The following TRIM69 variants were observed in gnomAD, a reference collection of about 807,000 sequenced individuals.
The protein encoded by TRIM69 is tripartite motif containing 69, also known as E3 ubiquitin-protein ligase TRIM69.
TRIM69 carries 29 observed loss-of-function variants against 37.7 expected under a neutral mutation model. The ratio of observed to expected loss-of-function variants is 0.77; its 90% CI spans 0.57 to 1.05. The LOEUF (loss-of-function observed/expected upper bound fraction) is 1.05, where lower values mean the gene tolerates loss of function less well. TRIM69 is among the 50% of genes least tolerant of loss of function. The pLI is 0.00. For synonymous variants in TRIM69, 209 were observed against 212.4 expected (o/e 0.98, Z 0.14); for missense variants, 596 against 579.9 (o/e 1.03, Z -0.28).
chr15:44,758,758 T>A lies in TRIM69; in HGVS notation c.717T>A (p.Asn239Lys), dbSNP rs77414494. 4,315 of 1,614,164 alleles carry A rather than the reference T, an allele frequency of 2.7e-3. 77 individuals are homozygous for A. In the African/African-American group the frequency reaches 0.047, roughly 17 times the overall value. Residue 239 changes from asparagine to lysine, a missense_variant, in exon 4 of 7, where the codon AAT becomes AAA. By Grantham distance (94) the Asn-to-Lys change is moderately conservative (BLOSUM62 0). Coordinates refer to ENST00000329464, the MANE Select transcript of TRIM69 (RefSeq NM_182985.5). ...CCTTGAATGAGGAGATGGAGTTGAA[T>A]CTGAGCCAGCTTCAGGAGCAATGTC... ...GKALNEEMELNLSQLQEQCLL... is the reference protein window; with the variant it reads ...GKALNEEMELKLSQLQEQCLL...
At chr15:44,751,521 T>G (rs2087531286) in intron 1 of TRIM69, among the ~76,000 whole-genome samples, 1 of 152,144 alleles carries the variant, frequency 6.6e-6, no homozygotes, top group Admixed American at 6.6e-5. Context: ...TGCTTTGGCC[T>G]CCCAAAATGC....
intron 1 of TRIM69, among the ~76,000 whole-genome samples, chr15:44,750,715 CTTTTTTTTTTTTTT>C (rs869059418): frequency 1.9e-5 from 2 of 102,838 alleles, no homozygotes; most frequent in Non-Finnish European, 3.7e-5. Context: ...ATTACTTTTT[CTTTTTTTTTTTTTT>C]TTTTTTTTTT....
At chr15:44,758,470 T>G in intron 3 of TRIM69, 151 bp from the exon 4 acceptor site, 1 of 1,181,394 alleles carries the variant, frequency 8.5e-7, no homozygotes, top group Non-Finnish European at 1.2e-6. Context: ...AAGGACTCAT[T>G]TTAGTATGAC....
At chr15:44,759,428 T>C (rs748138760) in intron 4 of TRIM69, among the ~76,000 whole-genome samples, 2 of 152,210 alleles carry the variant, frequency 1.3e-5, no homozygotes, top group African/African-American at 2.4e-5. Context: ...TCTTGCTCCC[T>C]GTAGAAGAGA....
Position 44,767,364 on chromosome 15 carries a change from G to A in TRIM69, c.1095G>A (p.Val365=). The A allele has an allele frequency of 6.2e-7, 1 of 1,614,102 alleles. No homozygotes were observed. The highest frequency in any genetic ancestry group is 1.7e-5 in the Admixed American group (1 of 60,000). The change falls in exon 7 of 7, where the codon GTG becomes GTA. Residue 365 remains valine, a synonymous_variant. Coordinates refer to ENST00000329464, the MANE Select transcript of TRIM69 (RefSeq NM_182985.5). ...PDDPERFDSS[V]AVLGSRGFTS... is the part of the protein sequence containing the mutation. Reference sequence around the variant, plus strand: ...ATCCTGAGAGGTTTGACTCAAGTGTGGCTGTACTGGGCTCAAGAGGCTTCA... The same window carrying A: ...ATCCTGAGAGGTTTGACTCAAGTGTAGCTGTACTGGGCTCAAGAGGCTTCA...
At chr15:44,754,858 C>T (rs1469221274) in intron 1 of TRIM69, 42 bp from the exon 2 acceptor site, 1 of 1,457,580 alleles carries the variant, frequency 6.9e-7, no homozygotes, top group Non-Finnish European at 9.5e-7. Context: ...TTAAAATGGG[C>T]AACAAGAAAG....
Position 44,767,610 on chromosome 15 carries a change from G to A in TRIM69, c.1341G>A (p.Leu447=). The part of the protein sequence containing the change: ...TNNLDKVGIY[L]DYEGGQLSFY... The stretch of plus-strand genomic sequence containing the variant: ...ACCTCGACAAGGTGGGCATATACCT[G>A]GATTATGAAGGAGGACAGTTGTCCT... Residue 447 remains leucine, a synonymous_variant, in exon 7 of 7, where the codon CTG becomes CTA. Coordinates refer to ENST00000329464, the MANE Select transcript of TRIM69 (RefSeq NM_182985.5). The A allele has an allele frequency of 6.2e-7, 1 of 1,614,132 alleles. No individual in the cohort carries two copies. Among genetic ancestry groups the A allele is most frequent in the South Asian group, 1.1e-5 (1 of 91,090 alleles).
At position 44,756,466 on chromosome 15, in the gene TRIM69, G is replaced by A; in HGVS notation, c.579+3G>A. On this transcript the variant is annotated splice_donor_region_variant and intron_variant, in intron 3 of 6. Coordinates refer to ENST00000329464, the MANE Select transcript of TRIM69 (RefSeq NM_182985.5). ...AGGAAGCTATTGCTGCTCACAAGGT[G>A]AGGAGCAAGAAAGAGGGGTTATGAG... The A allele has an allele frequency of 1.3e-6, 2 of 1,547,968 alleles. No homozygotes were observed. Among genetic ancestry groups the A allele is most frequent in the Non-Finnish European group, 8.7e-7 (1 of 1,143,856 alleles).
chr15:44,766,844 G>A (rs1170662853), intron 6 of TRIM69, among the ~76,000 whole-genome samples: 1 of 151,678 alleles, frequency 6.6e-6, no homozygotes, highest in African/African-American at 2.4e-5. Flanking sequence ...GTTGCTTGGG[G>A]CCAGGAGTTC....
chr15:44,744,534 G>A (rs140147160), intron 1 of TRIM69, among the ~76,000 whole-genome samples: 4,844 of 152,024 alleles, frequency 0.032, 110 homozygotes, highest in Non-Finnish European at 0.049. Flanking sequence ...TTTGAAGATC[G>A]AGTTTTTTAA....
At chr15:44,760,467 A>G (rs1426715376) in intron 6 of TRIM69, among the ~76,000 whole-genome samples, 1 of 152,242 alleles carries the variant, frequency 6.6e-6, no homozygotes, top group African/African-American at 2.4e-5. Context: ...CTTTATAGAA[A>G]TAAAATTCTA....
intron 1 of TRIM69, among the ~76,000 whole-genome samples, chr15:44,741,096 C>T (rs1458309450): frequency 6.6e-6 from 1 of 151,046 alleles, no homozygotes; most frequent in Non-Finnish European, 1.5e-5. Context: ...TGTAAAAGAA[C>T]AGAAATTATA....
intron 6 of TRIM69, 22 bp downstream of exon 6, chr15:44,759,894 TG>T (rs2087739754): frequency 6.2e-7 from 1 of 1,601,250 alleles, no homozygotes; most frequent in Non-Finnish European, 8.5e-7. Context: ...TAGTAACTAT[TG>T]GTTCTTGAGG....
At chr15:44,738,226 T>C (rs546523839) in intron 1 of TRIM69, among the ~76,000 whole-genome samples, 1 of 70,644 alleles carries the variant, frequency 1.4e-5, no homozygotes, top group East Asian at 3.8e-4. Flanking sequence ...GCCTGGCTAA[T>C]TTTTGTATTA....
intron 1 of TRIM69, among the ~76,000 whole-genome samples, chr15:44,737,629 C>G (rs1480673619): frequency 6.6e-6 from 1 of 152,168 alleles, no homozygotes; most frequent in Non-Finnish European, 1.5e-5. Context: ...TCTTTCAACT[C>G]TGGGAAGCTC....
intron 1 of TRIM69, among the ~76,000 whole-genome samples, chr15:44,742,086 G>A (rs1160506417): frequency 4.6e-5 from 7 of 151,854 alleles, no homozygotes; most frequent in Non-Finnish European, 7.4e-5. Context: ...CTGGCAAACT[G>A]AATCCAGCAG....
chr15:44,755,741 G>C (rs7177746), intron 2 of TRIM69, among the ~76,000 whole-genome samples: 2,794 of 152,280 alleles, frequency 0.018, 83 homozygotes, highest in African/African-American at 0.062. Flanking sequence ...AGATAGCCTC[G>C]TGTTAAAAGT....
chr15:44,749,161 G>A (rs537119501), intron 1 of TRIM69, among the ~76,000 whole-genome samples: 51 of 152,214 alleles, frequency 3.4e-4, no homozygotes, highest in African/African-American at 1.2e-3. Flanking sequence ...CAAAGTGCTG[G>A]GATTACAGGC....
At chr15:44,747,572 A>G (rs769841352) in intron 1 of TRIM69, among the ~76,000 whole-genome samples, 6 of 152,232 alleles carry the variant, frequency 3.9e-5, no homozygotes, top group Admixed American at 6.5e-5. Context: ...GAGAAGCGTC[A>G]ACATCTGTCT....
Sources: allele counts gnomAD v4.1 joint callset (sites outside exome capture counted in the v4.1 genomes callset), GRCh38; gene constraint gnomAD v4.1.1; transcripts MANE v1.5; gene names NCBI Gene and HGNC (gene_info 2026-07-23, HGNC 2026-07-21).